Variants in HSD17B3 observed in about 807,000 individuals in gnomAD.
HSD17B3 encodes the protein 17-beta-hydroxysteroid dehydrogenase type 3.
Under a neutral mutation model 41.1 loss-of-function variants are expected in HSD17B3, and 29 were observed. The ratio of observed to expected loss-of-function variants is 0.71; its 90% CI spans 0.53 to 0.96. HSD17B3 has a LOEUF of 0.96. HSD17B3 is among the 40% of genes least tolerant of loss of function. The probability of loss-of-function intolerance (pLI) is 0.00; values close to 1 mark genes in which losing one functional copy is unlikely to be tolerated. For synonymous variants in HSD17B3, 126 were observed against 145.6 expected (o/e 0.87, Z 0.97); for missense variants, 323 against 374.6 (o/e 0.86, Z 1.14).
intron 2 of HSD17B3, among the ~76,000 whole-genome samples, chr9:96,293,967 G>A (rs1827255630): frequency 6.6e-6 from 1 of 152,120 alleles, no homozygotes; most frequent in Non-Finnish European, 1.5e-5. Context: ...CCCAACCTCA[G>A]GCTTTTACCC....
At chr9:96,253,431 TC>T (rs1164490914) in intron 3 of HSD17B3, among the ~76,000 whole-genome samples, 1 of 152,226 alleles carries the variant, frequency 6.6e-6, no homozygotes, top group Non-Finnish European at 1.5e-5. Flanking sequence ...TTTGTATTTG[TC>T]CAATGCTTTA....
chr9:96,260,816 G>C (rs1825827737), intron 2 of HSD17B3, among the ~76,000 whole-genome samples: 1 of 152,104 alleles, frequency 6.6e-6, no homozygotes. Flanking sequence ...TAGCAACTAA[G>C]AGGAATGTGT....
intron 2 of HSD17B3, among the ~76,000 whole-genome samples, chr9:96,273,132 C>G (rs1181594904): frequency 6.6e-6 from 1 of 152,176 alleles, no homozygotes; most frequent in Non-Finnish European, 1.5e-5. Flanking sequence ...TGTATCTTGA[C>G]TATATCAATG....
At chr9:96,250,387 G>C in intron 5 of HSD17B3, 1 of 1,069,766 alleles carries the variant, frequency 9.3e-7, no homozygotes, top group Non-Finnish European at 1.1e-6. Context: ...GTCCAGAGAG[G>C]AGTTCAGGAG....
Position 96,254,924 on chromosome 9 carries a change from T to C in HSD17B3, c.221A>G (p.Asn74Ser), listed in dbSNP as rs780178733. 10 of 1,613,840 alleles carry C rather than the reference T, an allele frequency of 6.2e-6. No individual in the cohort carries two copies. In the South Asian group the frequency reaches 8.8e-5, roughly 14 times the overall value. The change falls in exon 3 of 11, where the codon AAT (asparagine) becomes AGT (serine). Residue 74 changes from asparagine to serine, a missense_variant. Physicochemically the swap from Asn to Ser is conservative, Grantham distance 46. Coordinates refer to ENST00000375263, the MANE Select transcript of HSD17B3 (RefSeq NM_000197.2). The part of the protein sequence containing the change: ...YSFELAKRGL[N>S]VVLISRTLEK... ...CAGCGTCCGGCTAATAAGGACAACA[T>C]TGAGTCCACGTTTTGCTAGCTGAGA...
intron 2 of HSD17B3, among the ~76,000 whole-genome samples, chr9:96,281,179 G>A (rs1326523944): frequency 6.6e-6 from 1 of 151,968 alleles, no homozygotes; most frequent in Non-Finnish European, 1.5e-5. Flanking sequence ...GACCACAAAG[G>A]GATTATAGTG....
intron 1 of HSD17B3, 111 bp from the exon 2 acceptor site, chr9:96,298,573 G>T (rs1485804611): frequency 7.9e-6 from 7 of 880,908 alleles, no homozygotes; most frequent in Non-Finnish European, 1.4e-5. Flanking sequence ...GTACTCCAAA[G>T]GTTCATCCCT....
intron 2 of HSD17B3, among the ~76,000 whole-genome samples, chr9:96,264,004 C>CA (rs1364256013): frequency 6.6e-6 from 1 of 151,992 alleles, no homozygotes; most frequent in South Asian, 2.1e-4. Context: ...GATCTCAGCA[C>CA]AAAAAATAAG....
intron 2 of HSD17B3, among the ~76,000 whole-genome samples, chr9:96,297,180 T>C (rs191329758): frequency 1.6e-4 from 24 of 152,158 alleles, no homozygotes; most frequent in South Asian, 4.2e-4. Flanking sequence ...GAATGTGGTA[T>C]TTTTTTCTCT....
chr9:96,295,341 TG>T (rs1339559786), intron 2 of HSD17B3, among the ~76,000 whole-genome samples: 2,621 of 150,496 alleles, frequency 0.017, 87 homozygotes, highest in African/African-American at 0.057. Flanking sequence ...TTTTTGTTTT[TG>T]TTTTTGTTTC....
chr9:96,254,883 T>C lies in HSD17B3; in HGVS notation c.262A>G (p.Ile88Val), dbSNP rs750133798. Residue 88 changes from isoleucine (I) to valine (V), a missense_variant, in exon 3 of 11, where the codon ATT becomes GTT. Coordinates refer to ENST00000375263, the MANE Select transcript of HSD17B3 (RefSeq NM_000197.2). ...ISRTLEKLEA[I>V]ATEIERTTGR... is the part of the protein sequence containing the mutation. ...GGTCACTCACCGATCTCTGTGGCAATGGCCTCTAGTTTTTCCAGCGTCCGG... is the reference window on the plus strand; with the variant it reads ...GGTCACTCACCGATCTCTGTGGCAACGGCCTCTAGTTTTTCCAGCGTCCGG... 6.2e-7 allele frequency: 1 copy of C among 1,614,048 alleles called. No homozygotes were observed. The highest frequency in any genetic ancestry group is 1.1e-5 in the South Asian group (1 of 91,044).
chr9:96,273,319 G>A (rs180822338), intron 2 of HSD17B3, among the ~76,000 whole-genome samples: 1 of 152,308 alleles, frequency 6.6e-6, no homozygotes, highest in East Asian at 1.9e-4. Flanking sequence ...TGATTACAAA[G>A]AAGTTTCAGC....
At chr9:96,242,357 C>T (rs549449130) in intron 9 of HSD17B3, among the ~76,000 whole-genome samples, 2 of 152,238 alleles carry the variant, frequency 1.3e-5, no homozygotes, top group Non-Finnish European at 2.9e-5. Context: ...ATTGTTTAAA[C>T]ATATGTACTT....
intron 2 of HSD17B3, among the ~76,000 whole-genome samples, chr9:96,269,072 TA>T (rs78337163): frequency 0.12 from 17,533 of 152,254 alleles, 1,330 homozygotes; most frequent in East Asian, 0.29. Context: ...AGAGTGCACT[TA>T]CACACACCTA....
At chr9:96,240,932 G>A in intron 9 of HSD17B3, 25 bp from the exon 10 acceptor site, 1 of 1,613,792 alleles carries the variant, frequency 6.2e-7, no homozygotes, top group South Asian at 1.1e-5. Flanking sequence ...AAAGACCATG[G>A]CACAGAAGCA....
chr9:96,254,578 G>T (rs1256437064), intron 3 of HSD17B3, among the ~76,000 whole-genome samples: 1 of 152,162 alleles, frequency 6.6e-6, no homozygotes, highest in Non-Finnish European at 1.5e-5. Flanking sequence ...TGGAAAGCCC[G>T]CTCAAGGTTG....
At chr9:96,292,449 C>A (rs1827193183) in intron 2 of HSD17B3, among the ~76,000 whole-genome samples, 1 of 152,186 alleles carries the variant, frequency 6.6e-6, no homozygotes, top group Admixed American at 6.5e-5. Flanking sequence ...CTCCTGGATT[C>A]AAGCAGTTCT....
intron 2 of HSD17B3, among the ~76,000 whole-genome samples, chr9:96,272,405 C>CTATATATATATA (rs1199705437): frequency 1.9e-4 from 4 of 21,532 alleles, no homozygotes; most frequent in Non-Finnish European, 1.8e-4. Context: ...CTCTCTCTCT[C>CTATATATATATA]TATATATATA....
chr9:96,286,027 C>A (rs1826905044), intron 2 of HSD17B3, among the ~76,000 whole-genome samples: 1 of 152,188 alleles, frequency 6.6e-6, no homozygotes, highest in Admixed American at 6.5e-5. Context: ...ACCCAAGATA[C>A]AGGTCATAAA....
Sources: gnomAD v4.1 joint callset for allele counts (sites outside exome capture counted in the v4.1 genomes callset) on GRCh38, gnomAD v4.1.1 for gene constraint, MANE v1.5 for transcripts, NCBI Gene and HGNC (gene_info 2026-07-23, HGNC 2026-07-21) for gene names.